The following CSTF2 variants were observed in gnomAD, a reference collection of about 807,000 sequenced individuals.
CSTF2 encodes the protein CF-1 64 kDa subunit.
A neutral mutation model predicts 45.4 loss-of-function variants in CSTF2; 8 were observed. The ratio of observed to expected loss-of-function variants is 0.18; its 90% confidence interval spans 0.10 to 0.32. CSTF2 has a LOEUF of 0.32. Among genes scored for constraint, CSTF2 ranks in the 10% least tolerant of loss-of-function variants. The probability of loss-of-function intolerance (pLI) is 1.00; values close to 1 mark genes in which losing one functional copy is unlikely to be tolerated. For missense variants in CSTF2, 253 were observed against 477.1 expected (o/e 0.53, Z 4.38); for synonymous variants, 155 against 158.9 (o/e 0.98, Z 0.18).
Position 100,841,261 on chromosome X carries a change from C to G in CSTF2, c.*551C>G, listed in dbSNP as rs2085037600. 8.9e-6 allele frequency among the ~76,000 whole-genome samples: 1 copy of G among 112,371 alleles called. No homozygotes were observed. The highest frequency in any genetic ancestry group is 3.7e-4 in the South Asian group (1 of 2,739). ...TCAGAAGGCTAACAGAGCAAAGAGC[C>G]TAGCACAGCTGTGTGTTTAGTTTAG... On this transcript the variant is annotated 3_prime_UTR_variant, in exon 14 of 14. Coordinates refer to ENST00000372972, the MANE Select transcript of CSTF2 (RefSeq NM_001325.3).
chrX:100,825,081 A>G (rs2084937188), intron 6 of CSTF2, among the ~76,000 whole-genome samples: 1 of 112,525 alleles, frequency 8.9e-6, no homozygotes, highest in South Asian at 3.6e-4. Flanking sequence ...ATGTTTCTGC[A>G]TAAATCCCCA....
At chrX:100,827,126 T>C (rs1343648064) in intron 7 of CSTF2, among the ~76,000 whole-genome samples, 1 of 111,915 alleles carries the variant, frequency 8.9e-6, no homozygotes, top group African/African-American at 3.2e-5. Context: ...ACTAATGTAG[T>C]TGTTACTCTG....
chrX:100,831,049 G>A (rs1469723050), intron 8 of CSTF2, among the ~76,000 whole-genome samples: 1 of 111,209 alleles, frequency 9.0e-6, no homozygotes, highest in Non-Finnish European at 1.9e-5. Flanking sequence ...TCTTCACACA[G>A]GGCAGAGAAC....
At chrX:100,830,718 C>T in intron 8 of CSTF2, 2 of 691,455 alleles carry the variant, frequency 2.9e-6, no homozygotes, top group Admixed American at 6.1e-5. Flanking sequence ...ATATGTAAAT[C>T]TCAATCTCCA....
At chrX:100,837,522 T>C in intron 12 of CSTF2, 73 bp downstream of exon 12, 1 of 689,468 alleles carries the variant, frequency 1.5e-6, no homozygotes. Context: ...ACAGTTACCA[T>C]GTGACGATCC....
intron 8 of CSTF2, among the ~76,000 whole-genome samples, chrX:100,829,640 A>G (rs2084963362): frequency 1.8e-5 from 2 of 112,055 alleles, no homozygotes; most frequent in South Asian, 7.4e-4. Context: ...TGACAGCAGG[A>G]CAAACTCCCT....
chrX:100,835,558 T>C (rs922209611), intron 11 of CSTF2, among the ~76,000 whole-genome samples: 1 of 110,176 alleles, frequency 9.1e-6, no homozygotes, highest in African/African-American at 3.3e-5. Context: ...TTTTTTTTTT[T>C]TAACTTAACA....
intron 11 of CSTF2, 36 bp downstream of exon 11, chrX:100,833,508 A>C: frequency 8.8e-7 from 1 of 1,141,178 alleles, no homozygotes. Context: ...TCCAAGTGAA[A>C]TCTTGATCTA....
At chrX:100,830,824 G>T (rs1233958562) in intron 8 of CSTF2, 11 of 1,153,944 alleles carry the variant, frequency 9.5e-6, no homozygotes, top group Non-Finnish European at 1.3e-5. Context: ...TACAGCACTC[G>T]CCCGTGGGAC....
chrX:100,833,513 G>T, intron 11 of CSTF2, 41 bp downstream of exon 11: 1 of 1,132,574 alleles, frequency 8.8e-7, no homozygotes, highest in South Asian at 2.0e-5. Flanking sequence ...GTGAAATCTT[G>T]ATCTATTCAG....
Position 100,833,235 on chromosome X carries a change from G to A in CSTF2, c.1263G>A (p.Glu421=). 1 of 1,209,984 alleles carries A rather than the reference G, an allele frequency of 8.3e-7. No homozygotes were observed. The highest frequency in any genetic ancestry group is 1.1e-6 in the Non-Finnish European group (1 of 894,615). Residue 421 remains glutamate (E), a synonymous_variant, in exon 11 of 14, where the codon GAG becomes GAA. Coordinates refer to ENST00000372972, the MANE Select transcript of CSTF2 (RefSeq NM_001325.3). The part of the protein sequence containing the change: ...DARGMEARAM[E]ARGLDARGLE... ...GAGGGATGGAGGCCCGAGCCATGGA[G>A]GCAAGAGGGTTAGATGCCAGAGGAT...
At chrX:100,828,341 C>T (rs1452498697) in intron 8 of CSTF2, among the ~76,000 whole-genome samples, 1 of 111,885 alleles carries the variant, frequency 8.9e-6, no homozygotes, top group Non-Finnish European at 1.9e-5. Context: ...TTTCTATCAT[C>T]GTAAAAAGAT....
rs1301412105 is a variant in CSTF2, at chrX:100,833,325, G to A, written c.1353G>A (p.Glu451=). Residue 451 remains glutamate, a synonymous_variant, in exon 11 of 14, where the codon GAG becomes GAA. Transcript: ENST00000372972. The stretch of plus-strand genomic sequence containing the variant: ...GTGCAATGGAGGCCCGAGCGATGGA[G>A]GCCCGTGCAATGGAAGTCCGAGGGA... ...EARAMEARAM[E]ARAMEVRGME... The A allele has an allele frequency of 2.5e-6, 3 of 1,208,457 alleles. No homozygotes were observed. In the East Asian group the frequency reaches 8.9e-5, roughly 36 times the overall value.
At chrX:100,836,407 A>G (rs980319577) in intron 11 of CSTF2, among the ~76,000 whole-genome samples, 6 of 112,031 alleles carry the variant, frequency 5.4e-5, no homozygotes, top group Admixed American at 9.5e-5. Flanking sequence ...CTGGCTCTTC[A>G]TATTACTGAA....
At chrX:100,834,591 T>C (rs754937053) in intron 11 of CSTF2, among the ~76,000 whole-genome samples, 4 of 112,497 alleles carry the variant, frequency 3.6e-5, no homozygotes, top group Admixed American at 2.8e-4. Context: ...CTATTGTGTT[T>C]GAAGTGTTTG....
At chrX:100,836,596 A>G (rs181474571) in intron 11 of CSTF2, among the ~76,000 whole-genome samples, 123 of 112,075 alleles carry the variant, frequency 1.1e-3, no homozygotes, top group Non-Finnish European at 2.0e-3. Context: ...TCTAACAGTT[A>G]GATTTGGTAC....
intron 9 of CSTF2, 138 bp downstream of exon 9, chrX:100,831,794 G>A: frequency 1.7e-6 from 1 of 592,588 alleles, no homozygotes; most frequent in Non-Finnish European, 2.7e-6. Context: ...ACTGTCCAAG[G>A]GTAAGCACTT....
chrX:100,830,136 T>C (rs1391391726), intron 8 of CSTF2, among the ~76,000 whole-genome samples: 1 of 112,279 alleles, frequency 8.9e-6, no homozygotes, highest in African/African-American at 3.2e-5. Context: ...CTGCCATGTT[T>C]GTTTAGTGTC....
At position 100,833,286 on chromosome X, in the gene CSTF2, T is replaced by C. The variant is rs28661897; in HGVS notation, c.1314T>C (p.Arg438=). ...RGLEARAMEA[R]AMEARAMEAR... ...TAGAGGCCCGTGCAATGGAGGCCCG[T>C]GCGATGGAAGCTCGTGCAATGGAGG... The change falls in exon 11 of 14, where the codon CGT becomes CGC. Residue 438 remains arginine, a synonymous_variant. Transcript: ENST00000372972. 4.1e-6 allele frequency: 5 copies of C among 1,207,876 alleles called. No individual in the cohort carries two copies. Among genetic ancestry groups the C allele is most frequent in the Admixed American group, 2.2e-5 (1 of 45,740 alleles).
Sources: gnomAD v4.1 joint callset for allele counts (sites outside exome capture counted in the v4.1 genomes callset) on GRCh38, gnomAD v4.1.1 for gene constraint, MANE v1.5 for transcripts, NCBI Gene and HGNC (gene_info 2026-07-23, HGNC 2026-07-21) for gene names.